Variants in KLHL31 observed in about 807,000 individuals in gnomAD.
The protein encoded by KLHL31 is kelch like family member 31.
Under a neutral mutation model 47.1 loss-of-function variants are expected in KLHL31, and 32 were observed. That is an observed-to-expected ratio of 0.68 (90% CI 0.51 to 0.91). The LOEUF (loss-of-function observed/expected upper bound fraction) is 0.91, where lower values mean the gene tolerates loss of function less well. KLHL31 is among the 40% of genes least tolerant of loss of function. The pLI is 0.00. For missense variants in KLHL31, 797 were observed against 819.3 expected, an observed-to-expected ratio of 0.97 and a Z score of 0.33; for synonymous variants, 330 against 325.1, an observed-to-expected ratio of 1.01 and a Z score of -0.16.
chr6:53,652,227 C>CCGTTGAACGG lies in KLHL31; in HGVS notation c.1275_1276insCCGTTCAACG (p.Gly426ProfsTer39). The CCGTTGAACGG allele has an allele frequency of 5.0e-6, 8 of 1,613,728 alleles. No homozygotes were observed. Among genetic ancestry groups the CCGTTGAACGG allele is most frequent in the Non-Finnish European group, 5.9e-6 (7 of 1,180,038 alleles). ...GCCAGGCTTCCTTCTGCGTTGCGGCCGCCCGCGGCGTACACGAGCCCGTTG... is the reference window on the plus strand; with the variant it reads ...GCCAGGCTTCCTTCTGCGTTGCGGCCCGTTGAACGGGCCCGCGGCGTACACGAGCCCGTTG... On this transcript the variant is annotated frameshift_variant, in exon 3 of 3. Coordinates refer to ENST00000370905, the MANE Select transcript of KLHL31 (RefSeq NM_001003760.5). LOFTEE classifies it high-confidence loss of function.
chr6:53,649,261 C>T lies in KLHL31; in HGVS notation c.*2337G>A, dbSNP rs1251101225. On this transcript the variant is annotated 3_prime_UTR_variant, in exon 3 of 3. Transcript: ENST00000370905. Reference sequence around the variant, plus strand: ...ACCGACCCTTACATTCCATACTCCTCGCCAATGTGTTATGTCAGAAATTCT... The same window carrying T: ...ACCGACCCTTACATTCCATACTCCTTGCCAATGTGTTATGTCAGAAATTCT... 3 of 152,074 alleles carry T rather than the reference C, an allele frequency of 2.0e-5. No homozygotes were observed. Among genetic ancestry groups the T allele is most frequent in the Non-Finnish European group, 2.9e-5 (2 of 67,982 alleles). The allele number at this position is 152,074 out of a possible 1,614,324, so 9.4% of individuals were successfully genotyped here. A position where few individuals can be genotyped will look rare whatever the true frequency, so the allele number is the denominator to read the frequency against.
chr6:53,656,172 A>G (rs1764558498), intron 1 of KLHL31, among the ~76,000 whole-genome samples: 1 of 152,200 alleles, frequency 6.6e-6, no homozygotes, highest in Admixed American at 6.5e-5. Flanking sequence ...GGATTTTGCC[A>G]GAGGATTTAA....
Position 53,650,943 on chromosome 6 carries a change from T to C in KLHL31, c.*655A>G, listed in dbSNP as rs1764453961. The stretch of plus-strand genomic sequence containing the variant: ...GGCATGGAGGAAGAGGAATGTCCGC[T>C]AACACAAAGGTTATCAAATTTAGGG... On this transcript the variant is annotated 3_prime_UTR_variant, in exon 3 of 3. Transcript: ENST00000370905. The C allele has an allele frequency of 2.0e-5, 3 of 152,326 alleles. No individual in the cohort carries two copies. The highest frequency in any genetic ancestry group is 3.9e-4 in the East Asian group (2 of 5,186). The allele number at this position is 152,326 out of a possible 1,614,324, so 9.4% of individuals were successfully genotyped here.
At chr6:53,657,446 T>C (rs1764578618) in intron 1 of KLHL31, among the ~76,000 whole-genome samples, 1 of 152,234 alleles carries the variant, frequency 6.6e-6, no homozygotes, top group African/African-American at 2.4e-5. Flanking sequence ...TCACTAGTAG[T>C]AATTCATGTA....
chr6:53,654,121 A>G lies in KLHL31; in HGVS notation c.1152T>C (p.His384=), dbSNP rs1764517018. 1.2e-6 allele frequency: 2 copies of G among 1,607,544 alleles called. No homozygotes were observed. The highest frequency in any genetic ancestry group is 2.7e-5 in the African/African-American group (2 of 74,830). ...AGTACCTGCAGAAATTGCTGACTGC[A>G]TGCTTGGCTTGATTTCTTGCATCAT... ...DQNDARNQAK[H]AVSNFCRYDP... The change falls in exon 2 of 3, where the codon CAT becomes CAC. Residue 384 remains histidine (H), a synonymous_variant. Transcript: ENST00000370905.
At chr6:53,661,247 G>A (rs927923460) in intron 1 of KLHL31, among the ~76,000 whole-genome samples, 1 of 152,194 alleles carries the variant, frequency 6.6e-6, no homozygotes, top group Non-Finnish European at 1.5e-5. Flanking sequence ...TCCAGGCCCT[G>A]TTACAGAAAA....
In KLHL31 at chr6:53,651,285, T is replaced by A; in HGVS notation, c.*313A>T. 4.1e-6 allele frequency: 1 copy of A among 241,394 alleles called. No homozygotes were observed. The highest frequency in any genetic ancestry group is 2.2e-5 in the African/African-American group (1 of 44,452). The allele number at this position is 241,394 out of a possible 1,614,324, so 15.0% of individuals were successfully genotyped here. On this transcript the variant is annotated 3_prime_UTR_variant, in exon 3 of 3. Transcript: ENST00000370905. Reference sequence around the variant, plus strand: ...AAATCTCAAATGTGGGTGTAACCGCTATACATTTAGGAAACATGCCGCCTT... The same window carrying A: ...AAATCTCAAATGTGGGTGTAACCGCAATACATTTAGGAAACATGCCGCCTT...
rs1378034525 is a variant in KLHL31 at position 53,652,273 on chromosome 6, C to A, written c.1230G>T (p.Thr410=). ...IHLASMNQKR[T]HFSLSVFNGL... ...CGTTGAACACGCTCAGGCTGAAGTG[C>A]GTGCGCTTCTGGTTCATGCTGGCCA... Residue 410 remains threonine, a synonymous_variant, in exon 3 of 3, where the codon ACG becomes ACT. Transcript: ENST00000370905. 3.7e-6 allele frequency: 6 copies of A among 1,614,178 alleles called. No homozygotes were observed. Among genetic ancestry groups the A allele is most frequent in the Non-Finnish European group, 5.1e-6 (6 of 1,180,040 alleles).
chr6:53,661,501 G>T (rs1764644913), intron 1 of KLHL31, among the ~76,000 whole-genome samples: 1 of 152,144 alleles, frequency 6.6e-6, no homozygotes, highest in Non-Finnish European at 1.5e-5. Context: ...TTTAAGGAAA[G>T]AAGTCATAAA....
chr6:53,654,054 T>C lies in KLHL31; in HGVS notation c.1172+47A>G, dbSNP rs758933142. 2.7e-6 allele frequency: 4 copies of C among 1,455,654 alleles called. No individual in the cohort carries two copies. The Admixed American group carries it at 8.6e-5, about 31-fold the overall frequency. 90.2% of individuals were successfully genotyped at this position (1,455,654 alleles called of 1,614,324 possible). ...AATTTACTTCTATGTTAGGGCTATT[T>C]CCCTATAATATTGAGCCATTTCAGT... is the stretch of plus-strand genomic sequence containing the variant. On this transcript the variant is annotated intron_variant, in intron 2 of 2. Transcript: ENST00000370905.
chr6:53,660,578 C>T (rs931415036), intron 1 of KLHL31, among the ~76,000 whole-genome samples: 5 of 152,140 alleles, frequency 3.3e-5, no homozygotes, highest in Non-Finnish European at 5.9e-5. Flanking sequence ...CTTTGGGAGG[C>T]CGAGGCGGGT....
chr6:53,663,622 A>G (rs1247784906), intron 1 of KLHL31, among the ~76,000 whole-genome samples: 1 of 152,226 alleles, frequency 6.6e-6, no homozygotes, highest in Non-Finnish European at 1.5e-5. Flanking sequence ...ACTTTTATCT[A>G]TAAAGTATAC....
intron 1 of KLHL31, among the ~76,000 whole-genome samples, chr6:53,656,982 GA>G (rs141719208): frequency 0.011 from 1,542 of 134,662 alleles, 3 homozygotes; most frequent in Non-Finnish European, 0.019. Context: ...ACCCAGGCTA[GA>G]GTGTAGTGGT....
chr6:53,664,555 C>T (rs1225885737), intron 1 of KLHL31, among the ~76,000 whole-genome samples: 1 of 152,180 alleles, frequency 6.6e-6, no homozygotes, highest in Non-Finnish European at 1.5e-5. Flanking sequence ...GAAAGTATTG[C>T]ACTTAAATTC....
chr6:53,654,367 G>T lies in KLHL31; in HGVS notation c.906C>A (p.Asn302Lys). 1.2e-6 allele frequency: 2 copies of T among 1,614,216 alleles called. No individual in the cohort carries two copies. Among genetic ancestry groups the T allele is most frequent in the Non-Finnish European group, 1.7e-6 (2 of 1,180,048 alleles). The change falls in exon 2 of 3, where the codon AAC (asparagine) becomes AAA (lysine). Residue 302 changes from asparagine (N) to lysine (K), a missense_variant. By Grantham distance (94) the Asn-to-Lys change is moderately conservative. Transcript: ENST00000370905. ...TTCTTGTTCGCCTAGATTGCAATGT[G>T]TTTTGATGATATGGAAGCAAGTGGT... Reference protein sequence around the residue: ...MNYHLLPYHQNTLQSRRTRIR... With the variant: ...MNYHLLPYHQKTLQSRRTRIR...
Position 53,652,914 on chromosome 6 carries a change from C to T in KLHL31, c.1173-584G>A, listed in dbSNP as rs145542117. Among the ~76,000 whole-genome samples the T allele has an allele frequency of 1.3e-3, 191 of 152,340 alleles. 1 individual carries two copies. The highest frequency in any genetic ancestry group is 2.9e-3 in the South Asian group (14 of 4,824). On this transcript the variant is annotated intron_variant, in intron 2 of 2. Coordinates refer to ENST00000370905, the MANE Select transcript of KLHL31 (RefSeq NM_001003760.5). ...AAGCCAAGCCACTCAGCAAAGTCTT[C>T]TCTTGTCTGTTAGACTGAGACCAAT...
chr6:53,658,204 G>A (rs1023558410), intron 1 of KLHL31, among the ~76,000 whole-genome samples: 1 of 152,146 alleles, frequency 6.6e-6, no homozygotes, highest in Non-Finnish European at 1.5e-5. Flanking sequence ...ATATCAATAA[G>A]GAGCTAGGTT....
Position 53,651,872 on chromosome 6 carries a change from T to TGGCC in KLHL31, c.1627_1630dup (p.Gln544ArgfsTer114). The stretch of plus-strand genomic sequence containing the variant: ...CTGCAGCGGCGCCGCGTAGCTCCAC[T>TGGCC]GGCCGGTCGCGGGGCTGTAGCACTC... On this transcript the variant is annotated frameshift_variant, in exon 3 of 3. Coordinates refer to ENST00000370905, the MANE Select transcript of KLHL31 (RefSeq NM_001003760.5). LOFTEE classifies it high-confidence loss of function. 2 of 1,600,422 alleles carry TGGCC rather than the reference T, an allele frequency of 1.2e-6. No individual in the cohort carries two copies. The highest frequency in any genetic ancestry group is 8.5e-7 in the Non-Finnish European group (1 of 1,177,714).
Position 53,652,061 on chromosome 6 carries a change from C to A in KLHL31, c.1442G>T (p.Arg481Leu). The A allele has an allele frequency of 1.3e-6, 2 of 1,595,274 alleles. No homozygotes were observed. Among genetic ancestry groups the A allele is most frequent in the Non-Finnish European group, 1.7e-6 (2 of 1,176,138 alleles). The change falls in exon 3 of 3, where the codon CGC becomes CTC. Residue 481 changes from arginine (R) to leucine (L), a missense_variant. Transcript: ENST00000370905. ...GGCCGGGTCGTAGGCGCACACAGAG[C>A]GCGAGTAGGCGTTGGCTATGTAGCC... Reference protein sequence around the residue: ...TGGYIANAYSRSVCAYDPASD... With the variant: ...TGGYIANAYSLSVCAYDPASD...
Sources: allele counts gnomAD v4.1 joint callset (sites outside exome capture counted in the v4.1 genomes callset), GRCh38; gene constraint gnomAD v4.1.1; transcripts MANE v1.5; gene names NCBI Gene and HGNC (gene_info 2026-07-23, HGNC 2026-07-21).